The following ADCY8 variants were observed in gnomAD, a reference collection of about 807,000 sequenced individuals.
ADCY8 encodes the protein adenylate cyclase type 8.
ADCY8 carries 51 observed loss-of-function variants against 119.7 expected under a neutral mutation model. The observed-to-expected ratio is 0.43, with a 90% CI of 0.34 to 0.54. The LOEUF (loss-of-function observed/expected upper bound fraction) is 0.54, where lower values mean the gene tolerates loss of function less well. Ranked by LOEUF, ADCY8 falls within the 20% of genes least tolerant of loss-of-function variation. The pLI, the probability that ADCY8 is intolerant of heterozygous loss-of-function variation, is 0.03. For missense variants in ADCY8, 1,383 were observed against 1,598.8 expected (o/e 0.87, Z 2.30); for synonymous variants, 665 against 651.0 (o/e 1.02, Z -0.33).
intron 2 of ADCY8, among the ~76,000 whole-genome samples, chr8:130,988,158 T>A (rs1229887856): frequency 6.6e-6 from 1 of 152,204 alleles, no homozygotes; most frequent in Non-Finnish European, 1.5e-5. Flanking sequence ...TGAAAGCCTA[T>A]GTTTTTTCTG....
At chr8:130,842,637 C>A (rs1271273977) in intron 11 of ADCY8, among the ~76,000 whole-genome samples, 1 of 151,900 alleles carries the variant, frequency 6.6e-6, no homozygotes, top group East Asian at 1.9e-4. Flanking sequence ...CTTTGGGAGG[C>A]CCAGGCAGGT....
intron 1 of ADCY8, among the ~76,000 whole-genome samples, chr8:131,010,644 G>A (rs571798903): frequency 2.0e-4 from 30 of 152,226 alleles, no homozygotes; most frequent in Non-Finnish European, 3.8e-4. Context: ...TTCCAGCAAT[G>A]CTGTCTGTTC....
intron 5 of ADCY8, among the ~76,000 whole-genome samples, chr8:130,911,063 GATA>G (rs758162476): frequency 2.0e-5 from 3 of 152,024 alleles, no homozygotes; most frequent in Non-Finnish European, 2.9e-5. Flanking sequence ...ATATTTTTGT[GATA>G]ATAAGTCGCC....
intron 5 of ADCY8, among the ~76,000 whole-genome samples, chr8:130,936,457 G>A (rs1027712085): frequency 2.0e-5 from 3 of 152,068 alleles, no homozygotes; most frequent in African/African-American, 4.8e-5. Context: ...GCTGCTGCCA[G>A]CCTACAGTCC....
At position 131,039,737 on chromosome 8, in the gene ADCY8, T is replaced by C; in HGVS notation, c.597A>G (p.Leu199=). The C allele has an allele frequency of 2.0e-5, 33 of 1,614,018 alleles. No individual in the cohort carries two copies. The highest frequency in any genetic ancestry group is 2.7e-5 in the Non-Finnish European group (32 of 1,180,000). ...TGGGGGCCGAGGCCAGGCTCAAGTGTAGGACCAAGAGAGTGAGTTTGGTCA... is the reference window on the plus strand; with the variant it reads ...TGGGGGCCGAGGCCAGGCTCAAGTGCAGGACCAAGAGAGTGAGTTTGGTCA... ...DVLTKLTLLV[L]HLSLASAPMD... is the part of the protein sequence containing the mutation. Residue 199 remains leucine, a synonymous_variant, in exon 1 of 18, where the codon CTA becomes CTG. Coordinates refer to ENST00000286355, the MANE Select transcript of ADCY8 (RefSeq NM_001115.3).
chr8:131,009,123 C>G (rs911517193), intron 1 of ADCY8, among the ~76,000 whole-genome samples: 1 of 152,276 alleles, frequency 6.6e-6, no homozygotes, highest in African/African-American at 2.4e-5. Context: ...GCATAAGTAA[C>G]GAGGAGCTGA....
At chr8:130,855,562 C>A (rs929889726) in intron 9 of ADCY8, among the ~76,000 whole-genome samples, 1 of 152,054 alleles carries the variant, frequency 6.6e-6, no homozygotes, top group Non-Finnish European at 1.5e-5. Flanking sequence ...GGCATCAAGG[C>A]TTGCTCCCCT....
At chr8:130,834,241 C>G (rs1816920568) in intron 12 of ADCY8, among the ~76,000 whole-genome samples, 2 of 152,028 alleles carry the variant, frequency 1.3e-5, no homozygotes, top group African/African-American at 4.8e-5. Context: ...CAACAGAAAA[C>G]TGGGTAAAGG....
chr8:130,975,945 T>C (rs1822059170), intron 2 of ADCY8, among the ~76,000 whole-genome samples: 1 of 152,190 alleles, frequency 6.6e-6, no homozygotes. Flanking sequence ...TCAAAATCCC[T>C]TAAAATGCAT....
intron 2 of ADCY8, among the ~76,000 whole-genome samples, chr8:130,985,308 T>C (rs552030072): frequency 2.6e-5 from 4 of 152,142 alleles, no homozygotes; most frequent in African/African-American, 9.6e-5. Context: ...TTTTGAAGGA[T>C]TGATAAGGTG....
intron 1 of ADCY8, among the ~76,000 whole-genome samples, chr8:131,002,819 A>C (rs1207132790): frequency 3.3e-5 from 5 of 152,112 alleles, no homozygotes; most frequent in African/African-American, 7.2e-5. Context: ...GGGGAAAAAA[A>C]CAGTCATTTC....
chr8:130,883,489 C>T (rs2130457088), intron 8 of ADCY8, among the ~76,000 whole-genome samples: 1 of 152,190 alleles, frequency 6.6e-6, no homozygotes, highest in South Asian at 2.1e-4. Flanking sequence ...GTCTGCAATC[C>T]TTAGGTAGCT....
At chr8:130,999,467 T>C (rs1209418853) in intron 1 of ADCY8, among the ~76,000 whole-genome samples, 4 of 152,084 alleles carry the variant, frequency 2.6e-5, no homozygotes, top group Admixed American at 6.6e-5. Context: ...CCCATTGATA[T>C]AGGATTTGTG....
chr8:130,816,996 T>G (rs1214077484), intron 13 of ADCY8, among the ~76,000 whole-genome samples: 2 of 152,132 alleles, frequency 1.3e-5, no homozygotes, highest in African/African-American at 4.8e-5. Flanking sequence ...AGAGAGGAAC[T>G]ATATCAGATG....
intron 11 of ADCY8, among the ~76,000 whole-genome samples, chr8:130,841,730 C>T (rs895990274): frequency 6.6e-6 from 1 of 152,188 alleles, no homozygotes; most frequent in East Asian, 1.9e-4. Context: ...GCCAAAATCC[C>T]ATAACATCAT....
intron 12 of ADCY8, 72 bp downstream of exon 12, chr8:130,836,205 A>T: frequency 6.8e-7 from 1 of 1,478,176 alleles, no homozygotes; most frequent in South Asian, 1.3e-5. Context: ...TGCAGCGGGC[A>T]TCATTTTCCC....
At chr8:130,986,214 TAA>T (rs1364998779) in intron 2 of ADCY8, among the ~76,000 whole-genome samples, 1 of 152,146 alleles carries the variant, frequency 6.6e-6, no homozygotes, top group African/African-American at 2.4e-5. Context: ...CTGAATTGGG[TAA>T]AAGTGCTCTT....
intron 1 of ADCY8, among the ~76,000 whole-genome samples, chr8:131,010,195 A>G (rs1823257066): frequency 6.6e-6 from 1 of 152,202 alleles, no homozygotes; most frequent in Non-Finnish European, 1.5e-5. Context: ...TTCTTATTTT[A>G]GGAGGTCACA....
chr8:131,002,045 T>C (rs1326193174), intron 1 of ADCY8, among the ~76,000 whole-genome samples: 13 of 152,242 alleles, frequency 8.5e-5, no homozygotes, highest in Admixed American at 8.5e-4. Context: ...GCATAGAGCT[T>C]AACAGTTTAG....
Sources: gnomAD v4.1 joint callset for allele counts (sites outside exome capture counted in the v4.1 genomes callset) on GRCh38, gnomAD v4.1.1 for gene constraint, MANE v1.5 for transcripts, NCBI Gene and HGNC (gene_info 2026-07-23, HGNC 2026-07-21) for gene names.